Variants in LAMC3 observed in about 807,000 individuals in gnomAD.
LAMC3 encodes the protein laminin subunit gamma 3.
In LAMC3, 128 loss-of-function variants were observed where a neutral mutation model predicts 173.8. The ratio of observed to expected loss-of-function variants is 0.74; its 90% CI spans 0.64 to 0.85. LAMC3 has a LOEUF of 0.85. Ranked by LOEUF, LAMC3 falls within the 40% of genes least tolerant of loss-of-function variation. The pLI, the probability that LAMC3 is intolerant of heterozygous loss-of-function variation, is 0.00. For synonymous variants in LAMC3, 897 were observed against 909.1 expected, an observed-to-expected ratio of 0.99 and a Z score of 0.24; for missense variants, 2,022 against 2,156.0, an observed-to-expected ratio of 0.94 and a Z score of 1.23.
chr9:131,034,622 C>G (rs1833907635), intron 3 of LAMC3, among the ~76,000 whole-genome samples: 1 of 152,228 alleles, frequency 6.6e-6, no homozygotes, highest in African/African-American at 2.4e-5. Context: ...AAGGCCTGAG[C>G]CTGATGCCTC....
At chr9:131,074,471 G>A (rs1035569056) in intron 20 of LAMC3, among the ~76,000 whole-genome samples, 1 of 151,900 alleles carries the variant, frequency 6.6e-6, no homozygotes, top group African/African-American at 2.4e-5. Flanking sequence ...TGAGACAGGT[G>A]GATCACTAGA....
intron 1 of LAMC3, among the ~76,000 whole-genome samples, chr9:131,023,385 C>T (rs1467195683): frequency 6.6e-6 from 1 of 152,200 alleles, no homozygotes; most frequent in Admixed American, 6.5e-5. Flanking sequence ...CCCCATTTTA[C>T]ATTCCCATCA....
At chr9:131,039,974 CA>C (rs149801443) in intron 6 of LAMC3, among the ~76,000 whole-genome samples, 267 of 143,762 alleles carry the variant, frequency 1.9e-3, no homozygotes, top group African/African-American at 6.9e-3. Context: ...GGCCAAAAAA[CA>C]AAAACAAAAC....
Position 131,039,006 on chromosome 9 carries a change from C to T in LAMC3, c.1119C>T (p.His373=). Residue 373 remains histidine, a synonymous_variant, in exon 5 of 28, where the codon CAC becomes CAT. Coordinates refer to ENST00000361069, the MANE Select transcript of LAMC3 (RefSeq NM_006059.4). ...AGCGCTGTCAGGAGAATTTCTATCA[C>T]TGGGACCCGCGGATGCCATGCCAGC... ...HCERCQENFY[H]WDPRMPCQPC... is the part of the protein sequence containing the mutation. The T allele has an allele frequency of 6.2e-7, 1 of 1,613,724 alleles. No individual in the cohort carries two copies. The highest frequency in any genetic ancestry group is 8.5e-7 in the Non-Finnish European group (1 of 1,180,022).
Position 131,052,590 on chromosome 9 carries a change from TGGAA to T in LAMC3, c.1733_1736del (p.Glu578GlyfsTer8). 7 of 1,613,984 alleles carry T rather than the reference TGGAA, an allele frequency of 4.3e-6. No individual in the cohort carries two copies. The highest frequency in any genetic ancestry group is 5.9e-6 in the Non-Finnish European group (7 of 1,179,902). On this transcript the variant is annotated frameshift_variant, in exon 10 of 28. Coordinates refer to ENST00000361069, the MANE Select transcript of LAMC3 (RefSeq NM_006059.4). LOFTEE classifies it high-confidence loss of function. ...TCCCCACTCCCTGTACAGCTGAGGC[TGGAA>T]GGGACAGGCTTGGCCCTGTCCCTGA...
intron 19 of LAMC3, among the ~76,000 whole-genome samples, 199 bp from the exon 20 acceptor site, chr9:131,073,046 G>A (rs887486914): frequency 2.6e-5 from 4 of 152,324 alleles, no homozygotes; most frequent in South Asian, 4.1e-4. Context: ...GACTGAATGC[G>A]CAGTAAGTGG....
chr9:131,062,222 G>A (rs530042610), intron 13 of LAMC3, among the ~76,000 whole-genome samples: 69 of 151,930 alleles, frequency 4.5e-4, no homozygotes, highest in African/African-American at 1.6e-3. Context: ...TTAGCCAGGC[G>A]TGGTGGCGGG....
At chr9:131,064,352 AAAT>A (rs1249359781) in intron 13 of LAMC3, among the ~76,000 whole-genome samples, 1 of 152,222 alleles carries the variant, frequency 6.6e-6, no homozygotes, top group Non-Finnish European at 1.5e-5. Flanking sequence ...TAAAAAATAA[AAAT>A]AAATGAAAAT....
chr9:131,060,206 A>C (rs1829781134), intron 12 of LAMC3, among the ~76,000 whole-genome samples: 1 of 152,156 alleles, frequency 6.6e-6, no homozygotes, highest in Non-Finnish European at 1.5e-5. Context: ...TTGCAAAGTC[A>C]TGTGAAGGCC....
intron 25 of LAMC3, 67 bp downstream of exon 25, chr9:131,085,790 C>T (rs1351906092): frequency 2.3e-5 from 34 of 1,480,854 alleles, no homozygotes; most frequent in East Asian, 9.1e-5. Context: ...TCCGCGGGCC[C>T]CTTCCCGACA....
intron 11 of LAMC3, 132 bp from the exon 12 acceptor site, chr9:131,056,795 AAG>A: frequency 1.3e-6 from 1 of 765,940 alleles, no homozygotes; most frequent in Non-Finnish European, 2.3e-6. Context: ...GTCTCAAAAA[AAG>A]AAAAATCATT....
At chr9:131,050,655 C>T (rs1834264939) in intron 9 of LAMC3, among the ~76,000 whole-genome samples, 1 of 151,996 alleles carries the variant, frequency 6.6e-6, no homozygotes, top group Non-Finnish European at 1.5e-5. Context: ...GTCATCCCAG[C>T]TACTCAGGAG....
At chr9:131,048,966 G>C (rs1834228827) in intron 8 of LAMC3, 54 bp from the exon 9 acceptor site, 2 of 1,182,916 alleles carry the variant, frequency 1.7e-6, no homozygotes, top group Admixed American at 2.4e-5. Context: ...GGCACCTGGA[G>C]ACCACCCTCC....
Position 131,026,749 on chromosome 9 carries a change from G to T in LAMC3, c.678+160G>T, listed in dbSNP as rs949826309. ...TTTGGAGACTGAGTCTTGCTCTGTC[G>T]CCCAGGCTGGAGTGCAGTGACGCGA... On this transcript the variant is annotated intron_variant, in intron 2 of 27. Coordinates refer to ENST00000361069, the MANE Select transcript of LAMC3 (RefSeq NM_006059.4). This position sits in a 1 kb window ranked among gnomAD's most constrained non-coding sequence, Gnocchi z 4.8. Among the ~76,000 whole-genome samples, 1 of 152,040 alleles carries T rather than the reference G, an allele frequency of 6.6e-6. No individual in the cohort carries two copies. Among genetic ancestry groups the T allele is most frequent in the Non-Finnish European group, 1.5e-5 (1 of 67,996 alleles).
chr9:131,039,262 G>C lies in LAMC3; in HGVS notation c.1283+14G>C. On this transcript the variant is annotated intron_variant, in intron 6 of 27. Coordinates refer to ENST00000361069, the MANE Select transcript of LAMC3 (RefSeq NM_006059.4). Reference sequence around the variant, plus strand: ...GGGAGGCTGCAGGTGAGGGCGAGGGGCGGCCCAGTATGGACACATTGCACT... The same window carrying C: ...GGGAGGCTGCAGGTGAGGGCGAGGGCCGGCCCAGTATGGACACATTGCACT... 1 of 1,595,474 alleles carries C rather than the reference G, an allele frequency of 6.3e-7. No individual in the cohort carries two copies. The highest frequency in any genetic ancestry group is 8.5e-7 in the Non-Finnish European group (1 of 1,174,466).
intron 7 of LAMC3, 34 bp downstream of exon 7, chr9:131,041,769 A>G (rs1834062187): frequency 1.9e-6 from 3 of 1,585,718 alleles, no homozygotes; most frequent in Non-Finnish European, 2.6e-6. Context: ...AGCTTGCTGG[A>G]AGTGACCTGG....
intron 1 of LAMC3, among the ~76,000 whole-genome samples, chr9:131,024,790 C>T (rs915367676): frequency 7.9e-5 from 12 of 152,166 alleles, no homozygotes; most frequent in African/African-American, 1.4e-4. Context: ...ACCAAAGAGA[C>T]GCCCGGTGCC....
intron 12 of LAMC3, among the ~76,000 whole-genome samples, chr9:131,058,124 TTTTTTG>T (rs1203021986): frequency 6.6e-6 from 1 of 151,862 alleles, no homozygotes; most frequent in African/African-American, 2.4e-5. Context: ...TTATTTTTTA[TTTTTTG>T]TGGGGGGTGA....
At chr9:131,066,218 T>C (rs1455392431) in intron 13 of LAMC3, among the ~76,000 whole-genome samples, 1 of 151,132 alleles carries the variant, frequency 6.6e-6, no homozygotes, top group Non-Finnish European at 1.5e-5. Context: ...TAGCCGGTTG[T>C]GGTGGCTCAC....
Sources: gnomAD v4.1 joint callset for allele counts (sites outside exome capture counted in the v4.1 genomes callset) on GRCh38, gnomAD v4.1.1 for gene constraint, Gnocchi (gnomAD v3.1) non-coding constraint, MANE v1.5 for transcripts, NCBI Gene and HGNC (gene_info 2026-07-23, HGNC 2026-07-21) for gene names.